Variants in LRFN2 observed in about 807,000 individuals in gnomAD.
The protein encoded by LRFN2 is leucine-rich repeat and fibronectin type-III domain-containing protein 2.
In LRFN2, 18 loss-of-function variants were observed where a neutral mutation model predicts 37.3. That is an observed-to-expected ratio of 0.48 (90% CI 0.33 to 0.72). The LOEUF is 0.72. LRFN2 is among the 30% of genes least tolerant of loss of function. LRFN2 has a pLI of 0.02. For synonymous variants in LRFN2, 556 were observed against 466.6 expected, an observed-to-expected ratio of 1.19 and a Z score of -2.47; for missense variants, 1,006 against 1,060.7, an observed-to-expected ratio of 0.95 and a Z score of 0.72.
intron 1 of LRFN2, among the ~76,000 whole-genome samples, chr6:40,576,620 G>A (rs1767284527): frequency 1.3e-5 from 2 of 152,274 alleles, no homozygotes; most frequent in East Asian, 3.9e-4. Flanking sequence ...GCAGGTACCT[G>A]CAGTGCCTCC....
At chr6:40,480,456 T>C (rs1764802049) in intron 1 of LRFN2, among the ~76,000 whole-genome samples, 2 of 152,130 alleles carry the variant, frequency 1.3e-5, no homozygotes, top group Non-Finnish European at 2.9e-5. Context: ...TTTTAAATTT[T>C]TGTAGAGATG....
In LRFN2 at chr6:40,392,628, T is replaced by A; in HGVS notation, c.1685A>T (p.His562Leu). Residue 562 changes from histidine to leucine, a missense_variant, in exon 3 of 3, where the codon CAC becomes CTC. By Grantham distance (99) the His-to-Leu change is moderately conservative. Around this residue, in one of 4 missense-constraint regions of LRFN2, gnomAD observed 398 missense variants for 327.6 expected, o/e 1.21. Transcript: ENST00000338305. This position sits in a 1 kb window ranked among gnomAD's most constrained non-coding sequence, Gnocchi z 4.7. ...CGCTGCCATCTTGCTGGGGGCCTCG[T>A]GGTTGCAGACCTTGTAGCGCACCAT... ...ILMVRYKVCN[H>L]EAPSKMAAAV... is the part of the protein sequence containing the mutation. 5 of 1,611,664 alleles carry A rather than the reference T, an allele frequency of 3.1e-6. No homozygotes were observed. The highest frequency in any genetic ancestry group is 4.2e-6 in the Non-Finnish European group (5 of 1,179,984).
At chr6:40,455,493 A>C (rs1433738) in intron 1 of LRFN2, among the ~76,000 whole-genome samples, 121,531 of 152,152 alleles carry the variant, frequency 0.8, 49,409 homozygotes, top group Middle Eastern at 0.9. Flanking sequence ...AGTGCAGGGG[A>C]GTTAACTCCT....
At chr6:40,480,430 C>T (rs113645663) in intron 1 of LRFN2, among the ~76,000 whole-genome samples, 1 of 152,216 alleles carries the variant, frequency 6.6e-6, no homozygotes, top group African/African-American at 2.4e-5. Flanking sequence ...AAGCATGTGC[C>T]AGAACACCGG....
chr6:40,472,752 C>T (rs1384814160), intron 1 of LRFN2, among the ~76,000 whole-genome samples: 1 of 152,124 alleles, frequency 6.6e-6, no homozygotes, highest in Non-Finnish European at 1.5e-5. Context: ...CCAGGCCTCT[C>T]TCCTGCCTGC....
intron 1 of LRFN2, among the ~76,000 whole-genome samples, chr6:40,513,167 A>G (rs1398657285): frequency 6.6e-6 from 1 of 152,164 alleles, no homozygotes; most frequent in South Asian, 2.1e-4. Flanking sequence ...GTGTTCAATA[A>G]TTATTCATTT....
At chr6:40,396,747 C>T (rs1414873452) in intron 2 of LRFN2, among the ~76,000 whole-genome samples, 5 of 134,306 alleles carry the variant, frequency 3.7e-5, no homozygotes, top group South Asian at 4.7e-4. Flanking sequence ...TGCGTGTGTA[C>T]GTCTGTGTGT....
chr6:40,474,353 T>C (rs1011168704), intron 1 of LRFN2, among the ~76,000 whole-genome samples: 2 of 152,208 alleles, frequency 1.3e-5, no homozygotes, highest in Non-Finnish European at 2.9e-5. Flanking sequence ...TCCTTGGCTG[T>C]AGCTGGATCA....
chr6:40,567,015 T>C (rs140039911), intron 1 of LRFN2, among the ~76,000 whole-genome samples: 1 of 152,206 alleles, frequency 6.6e-6, no homozygotes, highest in Non-Finnish European at 1.5e-5. Context: ...CCCATTTCCT[T>C]AGAGTCTTTA....
chr6:40,414,180 A>T (rs182087630), intron 2 of LRFN2, among the ~76,000 whole-genome samples: 23 of 152,022 alleles, frequency 1.5e-4, no homozygotes, highest in Admixed American at 1.4e-3. Flanking sequence ...GCAATTCCTA[A>T]CCTAGGAAAG....
chr6:40,469,967 G>C (rs1179292033), intron 1 of LRFN2, among the ~76,000 whole-genome samples: 3 of 152,234 alleles, frequency 2.0e-5, no homozygotes, highest in Non-Finnish European at 2.9e-5. Context: ...CAACCACAGT[G>C]TCCACTTAGG....
intron 1 of LRFN2, among the ~76,000 whole-genome samples, chr6:40,497,897 C>T (rs1363037587): frequency 6.6e-6 from 1 of 152,162 alleles, no homozygotes; most frequent in Non-Finnish European, 1.5e-5. Context: ...AATGTCACTT[C>T]CCCAGTCTCA....
chr6:40,432,194 G>A lies in LRFN2; in HGVS notation c.920C>T (p.Thr307Ile). Residue 307 changes from threonine to isoleucine, a missense_variant, in exon 2 of 3, where the codon ACA becomes ATA. By Grantham distance (89) the Thr-to-Ile change is moderately conservative (BLOSUM62 -1). Coordinates refer to ENST00000338305, the MANE Select transcript of LRFN2 (RefSeq NM_020737.3). ...KLLVLEGQAA[T>I]LKCKAIGDPS... is the part of the protein sequence containing the mutation. The stretch of plus-strand genomic sequence containing the variant: ...GTCCCCAATGGCTTTGCACTTGAGT[G>A]TGGCCGCCTGGCCCTCCAGAACCAG... 1 of 1,613,856 alleles carries A rather than the reference G, an allele frequency of 6.2e-7. No homozygotes were observed. The highest frequency in any genetic ancestry group is 8.5e-7 in the Non-Finnish European group (1 of 1,180,038).
intron 1 of LRFN2, among the ~76,000 whole-genome samples, chr6:40,529,272 G>C (rs1437525020): frequency 1.3e-5 from 2 of 152,172 alleles, no homozygotes; most frequent in African/African-American, 4.8e-5. Context: ...TGGACTGAAT[G>C]GGAAGGGAAA....
Position 40,445,675 on chromosome 6 carries a change from A to C in LRFN2, c.-18-12544T>G, listed in dbSNP as rs1006464609. Among the ~76,000 whole-genome samples, 3 of 152,228 alleles carry C rather than the reference A, an allele frequency of 2.0e-5. No homozygotes were observed. The South Asian group carries it at 6.2e-4, about 32-fold the overall frequency. On this transcript the variant is annotated intron_variant, in intron 1 of 2. Transcript: ENST00000338305. ...AGCATCCTCAAGAGGCCCCGGCTTG[A>C]GAAGTGCTGGCTTAAGAAATTGACT...
chr6:40,465,349 A>C (rs184244153), intron 1 of LRFN2, among the ~76,000 whole-genome samples: 162 of 152,304 alleles, frequency 1.1e-3, no homozygotes, highest in African/African-American at 3.7e-3. Flanking sequence ...CAATTTTGTG[A>C]TAACTTGTTA....
intron 2 of LRFN2, among the ~76,000 whole-genome samples, chr6:40,399,914 T>C (rs575895686): frequency 6.6e-6 from 1 of 152,010 alleles, no homozygotes; most frequent in South Asian, 2.1e-4. Context: ...TGGCTGTATC[T>C]AGTGAAACTC....
chr6:40,457,550 A>G (rs1468476801), intron 1 of LRFN2, among the ~76,000 whole-genome samples: 1 of 151,362 alleles, frequency 6.6e-6, no homozygotes, highest in Non-Finnish European at 1.5e-5. Flanking sequence ...AGGCAGGAGA[A>G]ATCACTTGAG....
At chr6:40,533,832 T>C (rs1766398143) in intron 1 of LRFN2, among the ~76,000 whole-genome samples, 1 of 152,184 alleles carries the variant, frequency 6.6e-6, no homozygotes, top group African/African-American at 2.4e-5. Flanking sequence ...AGGGAAGGTC[T>C]CTACCTGTGG....
Sources: gnomAD v4.1 joint callset for allele counts (sites outside exome capture counted in the v4.1 genomes callset) on GRCh38, gnomAD v4.1.1 for gene constraint, gnomAD v4.1.1 regional missense constraint, Gnocchi (gnomAD v3.1) non-coding constraint, MANE v1.5 for transcripts, NCBI Gene and HGNC (gene_info 2026-07-23, HGNC 2026-07-21) for gene names.